PKHD1: variants seen among roughly 807,000 people sequenced by gnomAD.
The protein encoded by PKHD1 is PKHD1 ciliary IPT domain containing fibrocystin/polyductin.
In PKHD1, 291 loss-of-function variants were observed where a neutral mutation model predicts 412.0. The ratio of observed to expected loss-of-function variants is 0.71; its 90% confidence interval spans 0.64 to 0.78. The LOEUF (loss-of-function observed/expected upper bound fraction) is 0.78. Ranked by LOEUF, PKHD1 falls within the 30% of genes least tolerant of loss-of-function variation. The probability of loss-of-function intolerance (pLI) is 0.00; values close to 1 mark genes in which losing one functional copy is unlikely to be tolerated. For missense variants in PKHD1, 4,825 were observed against 4,950.7 expected (o/e 0.97, Z 0.76); for synonymous variants, 1,777 against 1,821.5 (o/e 0.98, Z 0.62).
intron 11 of PKHD1, among the ~76,000 whole-genome samples, chr6:52,067,502 G>A (rs1048947122): frequency 2.6e-5 from 4 of 152,172 alleles, no homozygotes; most frequent in African/African-American, 9.7e-5. Flanking sequence ...GATCAGCATG[G>A]TAAGGCAGGT....
chr6:51,971,241 G>A (rs1196737128), intron 35 of PKHD1, among the ~76,000 whole-genome samples: 2 of 152,182 alleles, frequency 1.3e-5, no homozygotes, highest in Non-Finnish European at 2.9e-5. Context: ...CCACTAAGAT[G>A]GTGGTCATTT....
At chr6:51,874,281 ATT>A (rs33935435) in intron 46 of PKHD1, among the ~76,000 whole-genome samples, 2 of 151,868 alleles carry the variant, frequency 1.3e-5, no homozygotes, top group African/African-American at 4.8e-5. Flanking sequence ...AAAATTAGAC[ATT>A]TTTTTTAGTG....
rs1779994960 is a variant in PKHD1, at chr6:51,896,355, C to A, written c.6996+7242G>T. Among the ~76,000 whole-genome samples, 3 of 152,176 alleles carry A rather than the reference C, an allele frequency of 2.0e-5. No individual in the cohort carries two copies. The South Asian group carries it at 6.2e-4, about 32-fold the overall frequency. Reference sequence around the variant, plus strand: ...CTGCCTCCTCAAGTGGGTCCCTGACCCCTGACCCCCGAGCAGCCTAACTGG... The same window carrying A: ...CTGCCTCCTCAAGTGGGTCCCTGACACCTGACCCCCGAGCAGCCTAACTGG... On this transcript the variant is annotated intron_variant, in intron 43 of 66. Coordinates refer to ENST00000371117, the MANE Select transcript of PKHD1 (RefSeq NM_138694.4).
rs1428153586 is a variant in PKHD1, at chr6:51,651,569, A to G, written c.11175-2349T>C. 3.9e-5 allele frequency among the ~76,000 whole-genome samples: 6 copies of G among 152,128 alleles called. No homozygotes were observed. The South Asian group carries it at 1.0e-3, about 26-fold the overall frequency. ...GGCACTGTCTTCTTCTGATAGGTCA[A>G]TAGCAGCCAAGAGAGTCACTCATCC... On this transcript the variant is annotated intron_variant, in intron 61 of 66. Transcript: ENST00000371117.
chr6:51,806,718 T>G (rs1012470670), intron 52 of PKHD1, among the ~76,000 whole-genome samples: 1 of 151,878 alleles, frequency 6.6e-6, no homozygotes, highest in Non-Finnish European at 1.5e-5. Flanking sequence ...TCAAGGGAGT[T>G]TTTAAAATCA....
At chr6:51,955,644 A>T (rs1791010460) in intron 36 of PKHD1, among the ~76,000 whole-genome samples, 1 of 152,112 alleles carries the variant, frequency 6.6e-6, no homozygotes, top group Non-Finnish European at 1.5e-5. Flanking sequence ...ACCTTCATAA[A>T]GTATTTCCAA....
In PKHD1 at chr6:51,650,538, C is replaced by T. The variant is rs948984664; in HGVS notation, c.11175-1318G>A. Among the ~76,000 whole-genome samples the T allele has an allele frequency of 3.9e-5, 6 of 151,946 alleles. No homozygotes were observed. The East Asian group carries it at 5.8e-4, about 15-fold the overall frequency. ...TTTCCTAACCACCTCCCCTTCCCCA[C>T]GTGAGGAGGAAAGGATAAAGTATTT... On this transcript the variant is annotated intron_variant, in intron 61 of 66. Coordinates refer to ENST00000371117, the MANE Select transcript of PKHD1 (RefSeq NM_138694.4).
chr6:51,910,225 T>C (rs1024121487), intron 39 of PKHD1, among the ~76,000 whole-genome samples: 10 of 152,124 alleles, frequency 6.6e-5, no homozygotes, highest in Admixed American at 2.6e-4. Flanking sequence ...TGTTGATACA[T>C]GGCATTTGGT....
chr6:51,920,450 C>A (rs925041983), intron 37 of PKHD1, among the ~76,000 whole-genome samples: 16 of 152,064 alleles, frequency 1.1e-4, no homozygotes, highest in African/African-American at 3.9e-4. Context: ...GTATATTGAA[C>A]CAGCCTTGCA....
At chr6:51,790,877 A>G (rs1395824022) in intron 53 of PKHD1, among the ~76,000 whole-genome samples, 4 of 152,212 alleles carry the variant, frequency 2.6e-5, no homozygotes, top group Non-Finnish European at 5.9e-5. Context: ...GATGATATCA[A>G]ATCCATCCTA....
At chr6:51,654,837 G>A (rs2784235) in intron 61 of PKHD1, among the ~76,000 whole-genome samples, 130,942 of 152,090 alleles carry the variant, frequency 0.86, 56,809 homozygotes, top group East Asian at 1. Context: ...ACCATGAATC[G>A]TCATAACAAA....
At chr6:51,723,875 T>C (rs890009756) in intron 60 of PKHD1, among the ~76,000 whole-genome samples, 1 of 152,164 alleles carries the variant, frequency 6.6e-6, no homozygotes, top group Non-Finnish European at 1.5e-5. Context: ...CACTTTTGAA[T>C]TAAAATAAAT....
chr6:51,917,503 G>T (rs9382049), intron 37 of PKHD1, among the ~76,000 whole-genome samples: 1 of 151,814 alleles, frequency 6.6e-6, no homozygotes, highest in Non-Finnish European at 1.5e-5. Context: ...TGTGCAAGGT[G>T]CAGTGACACT....
At chr6:51,791,893 T>C (rs984392956) in intron 52 of PKHD1, among the ~76,000 whole-genome samples, 7 of 152,192 alleles carry the variant, frequency 4.6e-5, no homozygotes, top group Non-Finnish European at 7.3e-5. Context: ...ACAGGACTTT[T>C]TGTGAGGGTT....
intron 21 of PKHD1, among the ~76,000 whole-genome samples, chr6:52,050,619 G>A (rs1806668668): frequency 6.6e-6 from 1 of 152,138 alleles, no homozygotes; most frequent in South Asian, 2.1e-4. Flanking sequence ...TTGCAGTATA[G>A]CCTGCCACCC....
chr6:51,927,993 T>C (rs1448653502), intron 37 of PKHD1, among the ~76,000 whole-genome samples: 1 of 152,136 alleles, frequency 6.6e-6, no homozygotes, highest in East Asian at 1.9e-4. Context: ...GGAGACTCAA[T>C]AGTCAGCAAT....
At chr6:51,699,954 T>TGTGTGTGTGTGTGTGTGTAA (rs1290838827) in intron 60 of PKHD1, among the ~76,000 whole-genome samples, 1 of 151,824 alleles carries the variant, frequency 6.6e-6, no homozygotes, top group East Asian at 1.9e-4. Flanking sequence ...TGTGTGTGTG[T>TGTGTGTGTGTGTGTGTGTAA]GTAAAAACAG....
chr6:51,831,932 T>C (rs1455890551), intron 51 of PKHD1, among the ~76,000 whole-genome samples: 2 of 152,078 alleles, frequency 1.3e-5, no homozygotes, highest in Non-Finnish European at 2.9e-5. Context: ...TCCTGGGATG[T>C]GATTACTGGT....
At chr6:52,036,124 G>T (rs1267619347) in intron 27 of PKHD1, among the ~76,000 whole-genome samples, 1 of 152,192 alleles carries the variant, frequency 6.6e-6, no homozygotes, top group Non-Finnish European at 1.5e-5. Context: ...GTGGCTGAGA[G>T]TCAGGGTCAG....
Sources: allele counts gnomAD v4.1 joint callset (sites outside exome capture counted in the v4.1 genomes callset), GRCh38; gene constraint gnomAD v4.1.1; transcripts MANE v1.5; gene names NCBI Gene and HGNC (gene_info 2026-07-23, HGNC 2026-07-21).